Variants in CR1L observed in about 807,000 individuals in gnomAD.
The protein encoded by CR1L is complement component receptor 1-like protein.
CR1L carries 59 observed loss-of-function variants against 62.3 expected under a neutral mutation model. The observed-to-expected ratio is 0.95, with a 90% CI of 0.77 to 1.18. The LOEUF is 1.18. Ranked by LOEUF, CR1L falls within the 50% of genes most tolerant of loss-of-function variation. The pLI, the probability that CR1L is intolerant of heterozygous loss-of-function variation, is 0.00. For synonymous variants in CR1L, 279 were observed against 248.7 expected (o/e 1.12, Z -1.15); for missense variants, 700 against 702.8 (o/e 1.00, Z 0.04).
At chr1:207,647,089 GGAACACA>G (rs1663139570) in intron 1 of CR1L, among the ~76,000 whole-genome samples, 1 of 152,144 alleles carries the variant, frequency 6.6e-6, no homozygotes, top group Middle Eastern at 3.2e-3. Context: ...CTTAATGCCG[GGAACACA>G]GTAGGCAATC....
intron 1 of CR1L, among the ~76,000 whole-genome samples, chr1:207,661,063 A>G (rs1330465127): frequency 6.6e-6 from 1 of 152,206 alleles, no homozygotes; most frequent in Non-Finnish European, 1.5e-5. Context: ...CTTTACTTCC[A>G]ACTATGTGGT....
chr1:207,680,544 ATTTTT>A (rs61550356), intron 3 of CR1L, among the ~76,000 whole-genome samples: 1 of 151,292 alleles, frequency 6.6e-6, no homozygotes, highest in Non-Finnish European at 1.5e-5. Flanking sequence ...AAATAAAAAA[ATTTTT>A]TTTTTAAGTT....
intron 3 of CR1L, among the ~76,000 whole-genome samples, chr1:207,683,295 C>T (rs984669267): frequency 3.3e-5 from 5 of 151,948 alleles, no homozygotes; most frequent in South Asian, 4.2e-4. Flanking sequence ...TGCCACCATG[C>T]GTGGCTTTTT....
rs1380170719 is a variant in CR1L, at chr1:207,699,173, C to G, written c.1143-16C>G. 1 of 1,613,464 alleles carries G rather than the reference C, an allele frequency of 6.2e-7. No individual in the cohort carries two copies. Among genetic ancestry groups the G allele is most frequent in the Non-Finnish European group, 8.5e-7 (1 of 1,179,496 alleles). ...GGCTGAAACAGCTCGCTATTCACTC[C>G]TATTTTCTTCTTTAGATTTCAATTA... On this transcript the variant is annotated splice_polypyrimidine_tract_variant and intron_variant, in intron 7 of 11. Coordinates refer to ENST00000508064, the MANE Select transcript of CR1L (RefSeq NM_175710.2).
intron 4 of CR1L, among the ~76,000 whole-genome samples, chr1:207,685,055 T>C (rs1030095947): frequency 1.3e-5 from 2 of 152,172 alleles, no homozygotes; most frequent in Non-Finnish European, 2.9e-5. Context: ...TTGAAATCTG[T>C]AATAAGATAA....
intron 1 of CR1L, among the ~76,000 whole-genome samples, chr1:207,650,293 T>C (rs1174948398): frequency 1.3e-5 from 2 of 152,154 alleles, no homozygotes; most frequent in African/African-American, 4.8e-5. Flanking sequence ...GGATATTACC[T>C]TGGTATGAGC....
Position 207,708,113 on chromosome 1 carries a change from A to G in CR1L, c.1329-65A>G, listed in dbSNP as rs11804759. 8,675 of 1,569,848 alleles carry G rather than the reference A, an allele frequency of 5.5e-3. 377 individuals are homozygous for G. The African/African-American group carries it at 0.098, about 18-fold the overall frequency. On this transcript the variant is annotated intron_variant, in intron 9 of 11. Transcript: ENST00000508064. ...TTGTAATCCCTCTGGTTTGCCACAT[A>G]TGCATGCTGTCAGGAAGTTGATGAG...
intron 1 of CR1L, among the ~76,000 whole-genome samples, chr1:207,673,005 T>G (rs1274502275): frequency 6.6e-6 from 1 of 152,152 alleles, no homozygotes. Flanking sequence ...GAGTTGACAA[T>G]CCCTCTCACC....
chr1:207,682,505 T>C (rs1441401747), intron 3 of CR1L, among the ~76,000 whole-genome samples: 1 of 152,092 alleles, frequency 6.6e-6, no homozygotes, highest in Non-Finnish European at 1.5e-5. Flanking sequence ...TCGAAGTCAC[T>C]AATAATTACA....
chr1:207,680,875 G>T (rs1407765057), intron 3 of CR1L, among the ~76,000 whole-genome samples: 3 of 152,118 alleles, frequency 2.0e-5, no homozygotes, highest in Non-Finnish European at 4.4e-5. Flanking sequence ...ACTATGCATG[G>T]TCCCATATGG....
chr1:207,702,536 C>T (rs569700059), intron 9 of CR1L, among the ~76,000 whole-genome samples: 1 of 152,262 alleles, frequency 6.6e-6, no homozygotes, highest in South Asian at 2.1e-4. Flanking sequence ...AAAGTCAGGC[C>T]TCATGTGCCA....
chr1:207,716,544 T>C (rs1654004651), intron 10 of CR1L, among the ~76,000 whole-genome samples: 1 of 152,230 alleles, frequency 6.6e-6, no homozygotes, highest in Non-Finnish European at 1.5e-5. Flanking sequence ...TTAATTTGCA[T>C]TGTGTTAAAA....
chr1:207,707,769 T>A (rs567175784), intron 9 of CR1L, among the ~76,000 whole-genome samples: 1 of 129,350 alleles, frequency 7.7e-6, no homozygotes, highest in South Asian at 2.5e-4. Context: ...ATGCCTCAAG[T>A]TAAATGGCAT....
intron 10 of CR1L, chr1:207,715,244 T>C: frequency 1.1e-6 from 1 of 901,062 alleles, no homozygotes; most frequent in East Asian, 3.0e-5. Context: ...TGAGCATCTA[T>C]TAGTGAAGAA....
chr1:207,679,697 G>A (rs1042472126), intron 3 of CR1L, among the ~76,000 whole-genome samples: 1 of 152,158 alleles, frequency 6.6e-6, no homozygotes, highest in African/African-American at 2.4e-5. Context: ...AAGCAATCAA[G>A]ATGTCCTTTA....
At chr1:207,686,134 C>CCCTTCCTTCCTT (rs1174390747) in intron 4 of CR1L, among the ~76,000 whole-genome samples, 6 of 9,172 alleles carry the variant, frequency 6.5e-4, no homozygotes, top group East Asian at 2.0e-3. Flanking sequence ...CTTCCTCCCT[C>CCCTTCCTTCCTT]CCTTCCTTCC....
chr1:207,686,640 T>C (rs1172106961), intron 4 of CR1L, among the ~76,000 whole-genome samples: 1 of 152,242 alleles, frequency 6.6e-6, no homozygotes, highest in Non-Finnish European at 1.5e-5. Context: ...ACATTTTATA[T>C]GTTTCTATTA....
rs1314395737 is a variant in CR1L at position 207,706,035 on chromosome 1, AT to A, written c.1329-2142del. Among the ~76,000 whole-genome samples the A allele has an allele frequency of 1.7e-3, 248 of 147,944 alleles. 1 individual carries two copies. Among genetic ancestry groups the A allele is most frequent in the African/African-American group, 5.8e-3 (237 of 40,822 alleles). ...TATGTATATATATATATATATATATATATATATATAAAACACTGAATATTGC... is the reference window on the plus strand; with the variant it reads ...TATGTATATATATATATATATATATAATATATATAAAACACTGAATATTGC... On this transcript the variant is annotated intron_variant, in intron 9 of 11. Transcript: ENST00000508064.
chr1:207,646,125 G>A (rs111551944), intron 1 of CR1L, among the ~76,000 whole-genome samples: 4,050 of 151,882 alleles, frequency 0.027, 193 homozygotes, highest in African/African-American at 0.093. Context: ...GCTTTTTTGG[G>A]GGGTGGGTGG....
Sources: gnomAD v4.1 joint callset for allele counts (sites outside exome capture counted in the v4.1 genomes callset) on GRCh38, gnomAD v4.1.1 for gene constraint, MANE v1.5 for transcripts, NCBI Gene and HGNC (gene_info 2026-07-23, HGNC 2026-07-21) for gene names.